The following C8orf34 variants were observed in gnomAD, a reference collection of about 807,000 sequenced individuals.
C8orf34 encodes chromosome 8 open reading frame 34, also known as uncharacterized protein C8orf34.
C8orf34 carries 65 observed loss-of-function variants against 68.3 expected under a neutral mutation model. The observed-to-expected ratio is 0.95, with a 90% CI of 0.78 to 1.17. C8orf34 has a LOEUF of 1.17. Among genes scored for constraint, C8orf34 ranks in the 50% most tolerant of loss-of-function variants. The pLI, the probability that C8orf34 is intolerant of heterozygous loss-of-function variation, is 0.00. For synonymous variants in C8orf34, 244 were observed against 241.2 expected (o/e 1.01, Z -0.11); for missense variants, 664 against 655.4 (o/e 1.01, Z -0.14).
At chr8:68,692,662 C>A (rs539513677) in intron 8 of C8orf34, among the ~76,000 whole-genome samples, 9 of 152,170 alleles carry the variant, frequency 5.9e-5, no homozygotes, top group African/African-American at 1.9e-4. Context: ...GATTCCTCTG[C>A]ATCATCTCCA....
chr8:68,800,104 A>G (rs767815889), intron 12 of C8orf34, among the ~76,000 whole-genome samples: 3 of 152,184 alleles, frequency 2.0e-5, no homozygotes, highest in Non-Finnish European at 4.4e-5. Context: ...TCCAGGTTGT[A>G]AAGATAAGAA....
At chr8:68,757,073 T>C (rs1253208015) in intron 10 of C8orf34, among the ~76,000 whole-genome samples, 2 of 152,200 alleles carry the variant, frequency 1.3e-5, no homozygotes, top group East Asian at 1.9e-4. Flanking sequence ...TTGAATGGCA[T>C]TGTTAGATTG....
chr8:68,793,322 A>T (rs1369271891), intron 12 of C8orf34, among the ~76,000 whole-genome samples: 1 of 152,226 alleles, frequency 6.6e-6, no homozygotes, highest in Non-Finnish European at 1.5e-5. Context: ...ACTACTGTGT[A>T]TGAGTGATCA....
At chr8:68,616,147 T>G (rs57681412) in intron 7 of C8orf34, among the ~76,000 whole-genome samples, 1 of 149,926 alleles carries the variant, frequency 6.7e-6, no homozygotes, top group African/African-American at 2.5e-5. Context: ...TCCCCTTTAT[T>G]GTTTTTTATT....
intron 8 of C8orf34, among the ~76,000 whole-genome samples, chr8:68,650,405 G>A (rs1819312929): frequency 6.6e-6 from 1 of 152,008 alleles, no homozygotes; most frequent in African/African-American, 2.4e-5. Flanking sequence ...ATTTACATAG[G>A]GCACAAAAGA....
chr8:68,403,574 C>T (rs1198574631), intron 1 of C8orf34, among the ~76,000 whole-genome samples: 1 of 152,080 alleles, frequency 6.6e-6, no homozygotes, highest in Admixed American at 6.6e-5. Flanking sequence ...GTGATGTTCC[C>T]TTCCCTGTGT....
intron 10 of C8orf34, among the ~76,000 whole-genome samples, chr8:68,731,968 C>T (rs977336852): frequency 3.3e-5 from 5 of 152,332 alleles, no homozygotes; most frequent in East Asian, 3.9e-4. Context: ...ACTTTCATTC[C>T]GTGCAAGCAG....
chr8:68,529,774 AATTAT>A (rs1448991110), intron 6 of C8orf34, among the ~76,000 whole-genome samples: 9 of 152,314 alleles, frequency 5.9e-5, no homozygotes, highest in Non-Finnish European at 1.0e-4. Flanking sequence ...TTTTAGAAAT[AATTAT>A]ATTATGTTTT....
At chr8:68,403,787 T>A (rs1809065872) in intron 1 of C8orf34, among the ~76,000 whole-genome samples, 1 of 152,224 alleles carries the variant, frequency 6.6e-6, no homozygotes, top group Admixed American at 6.5e-5. Flanking sequence ...CTATCATTAA[T>A]GGGCATTTGG....
intron 11 of C8orf34, among the ~76,000 whole-genome samples, chr8:68,783,685 C>T (rs1275974267): frequency 1.3e-5 from 2 of 152,094 alleles, no homozygotes; most frequent in African/African-American, 4.8e-5. Context: ...CTGGGCGGAA[C>T]CAATGTACTT....
chr8:68,728,703 T>C (rs771936181), intron 10 of C8orf34, among the ~76,000 whole-genome samples: 35 of 152,196 alleles, frequency 2.3e-4, no homozygotes, highest in Admixed American at 5.9e-4. Context: ...CCAGCCCCCA[T>C]GTTTCAATAA....
At chr8:68,361,301 G>C (rs1466394651) in intron 1 of C8orf34, among the ~76,000 whole-genome samples, 1 of 152,216 alleles carries the variant, frequency 6.6e-6, no homozygotes, top group Non-Finnish European at 1.5e-5. Context: ...TGCTCCAACA[G>C]AAGATGGAGT....
chr8:68,431,909 C>T (rs1411525939), intron 1 of C8orf34, among the ~76,000 whole-genome samples: 1 of 152,030 alleles, frequency 6.6e-6, no homozygotes, highest in East Asian at 1.9e-4. Flanking sequence ...TTTTTCCTAC[C>T]TTTATCTCTG....
chr8:68,344,540 G>A (rs543140170), intron 1 of C8orf34, among the ~76,000 whole-genome samples: 1 of 152,042 alleles, frequency 6.6e-6, no homozygotes, highest in African/African-American at 2.4e-5. Flanking sequence ...TATTACCAAT[G>A]GAGGAACATG....
chr8:68,395,066 C>A (rs1220386738), intron 1 of C8orf34, among the ~76,000 whole-genome samples: 1 of 151,978 alleles, frequency 6.6e-6, no homozygotes, highest in African/African-American at 2.4e-5. Flanking sequence ...ATATGAATGT[C>A]TCCATACCAA....
At chr8:68,572,388 T>TTA (rs1474582879) in intron 7 of C8orf34, among the ~76,000 whole-genome samples, 1 of 152,000 alleles carries the variant, frequency 6.6e-6, no homozygotes, top group African/African-American at 2.4e-5. Flanking sequence ...TACCTATGCA[T>TTA]ATTACACACT....
At chr8:68,808,559 A>G (rs1414589477) in intron 12 of C8orf34, among the ~76,000 whole-genome samples, 1 of 150,858 alleles carries the variant, frequency 6.6e-6, no homozygotes, top group Non-Finnish European at 1.5e-5. Context: ...AAAATAATAT[A>G]TATATATATA....
chr8:68,757,582 C>T (rs1472218483), intron 10 of C8orf34, among the ~76,000 whole-genome samples: 1 of 152,070 alleles, frequency 6.6e-6, no homozygotes, highest in Non-Finnish European at 1.5e-5. Flanking sequence ...GATCACGCCA[C>T]TGCACTCCAG....
intron 1 of C8orf34, among the ~76,000 whole-genome samples, chr8:68,332,005 G>A (rs1805632013): frequency 6.6e-6 from 1 of 151,010 alleles, no homozygotes; most frequent in African/African-American, 2.4e-5. Context: ...GACCCCACAT[G>A]TGTTAGCAGG....
Sources: allele counts gnomAD v4.1 joint callset (sites outside exome capture counted in the v4.1 genomes callset), GRCh38; gene constraint gnomAD v4.1.1; transcripts MANE v1.5; gene names NCBI Gene and HGNC (gene_info 2026-07-23, HGNC 2026-07-21).